RBFOX1: variants seen among roughly 807,000 people sequenced by gnomAD.
The protein encoded by RBFOX1 is RNA binding protein fox-1 homolog 1.
RBFOX1 carries 8 observed loss-of-function variants against 57.7 expected under a neutral mutation model. The ratio of observed to expected loss-of-function variants is 0.14; its 90% confidence interval spans 0.08 to 0.25. The LOEUF is 0.25. RBFOX1 is among the 10% of genes least tolerant of loss of function. RBFOX1 has a pLI of 1.00. For missense variants in RBFOX1, 611 were observed against 548.5 expected (o/e 1.11, Z -1.14); for synonymous variants, 326 against 222.4 (o/e 1.47, Z -4.15).
intron 1 of RBFOX1, among the ~76,000 whole-genome samples, chr16:6,299,185 C>G (rs900789742): frequency 1.3e-5 from 2 of 152,182 alleles, no homozygotes; most frequent in African/African-American, 4.8e-5. Context: ...AAAGAAAATG[C>G]AAGTGTCCGA....
At chr16:6,856,893 A>T (rs989717366) in intron 3 of RBFOX1, among the ~76,000 whole-genome samples, 2 of 152,114 alleles carry the variant, frequency 1.3e-5, no homozygotes, top group African/African-American at 2.4e-5. Context: ...AATGTTAGAG[A>T]CAGAGAAAGG....
In RBFOX1 at chr16:5,665,132, G is replaced by GGT. The variant is rs1555497002; in HGVS notation, c.318+66172_318+66173insTG. Among the ~76,000 whole-genome samples the GGT allele has an allele frequency of 1.9e-4, 15 of 78,278 alleles. 1 individual carries two copies. The highest frequency in any genetic ancestry group is 1.5e-3 in the Admixed American group (11 of 7,324). The allele number at this position is 78,278 out of a possible 152,430, so 51.4% of individuals were successfully genotyped here. A position where few individuals can be genotyped will look rare whatever the true frequency, so the allele number is the denominator to read the frequency against. On this transcript the variant is annotated intron_variant, in intron 3 of 19. Coordinates refer to the RBFOX1 transcript ENST00000641259. ...GGCTAACTTTTTGATATTTTTACAT[G>GGT]GGGGGGGGCGGTCTTGCTATATTGC...
chr16:6,084,126 A>C, intron 1 of RBFOX1, among the ~76,000 whole-genome samples: 1 of 152,138 alleles, frequency 6.6e-6, no homozygotes, highest in East Asian at 1.9e-4. Context: ...GGCCAATAAT[A>C]ATACCTCCCT....
Position 6,865,085 on chromosome 16 carries a change from C to A in RBFOX1, c.-15-186972C>A, listed in dbSNP as rs189833567. 4.1e-5 allele frequency among the ~76,000 whole-genome samples: 6 copies of A among 144,690 alleles called. No individual in the cohort carries two copies. In the East Asian group the frequency reaches 1.3e-3, roughly 31 times the overall value. The allele number at this position is 144,690 out of a possible 152,430, so 94.9% of individuals were successfully genotyped here. A position where few individuals can be genotyped will look rare whatever the true frequency, so the allele number is the denominator to read the frequency against. On this transcript the variant is annotated intron_variant, in intron 3 of 15. Coordinates refer to ENST00000550418, the MANE Select transcript of RBFOX1 (RefSeq NM_018723.4). ...TGGCGCGATCTTGGCTCACTGCAAC[C>A]TCCGCCTCCTGGGTTCAAGCAATTC...
At position 5,661,130 on chromosome 16, in the gene RBFOX1, C is replaced by G. The variant is rs76280634; in HGVS notation, c.318+62169C>G. 5.6e-3 allele frequency among the ~76,000 whole-genome samples: 848 copies of G among 152,290 alleles called. 6 individuals carry two copies. Among genetic ancestry groups the G allele is most frequent in the African/African-American group, 0.02 (815 of 41,534 alleles). ...AAAGGAAACTTAAAAGGCCTCCTGTCTTTCCTCACTATATATCTCTTTGTG... is the reference window on the plus strand; with the variant it reads ...AAAGGAAACTTAAAAGGCCTCCTGTGTTTCCTCACTATATATCTCTTTGTG... On this transcript the variant is annotated intron_variant, in intron 3 of 19. Transcript: ENST00000641259.
intron 4 of RBFOX1, among the ~76,000 whole-genome samples, chr16:7,120,840 C>CACACACACACACACTCAT (rs1555491067): frequency 4.8e-4 from 70 of 145,688 alleles, no homozygotes; most frequent in African/African-American, 1.8e-3. Flanking sequence ...TACACACACA[C>CACACACACACACACTCAT]ACACACACAC....
chr16:7,705,515 A>T (rs2082152596), intron 14 of RBFOX1, among the ~76,000 whole-genome samples: 2 of 152,138 alleles, frequency 1.3e-5, no homozygotes, highest in African/African-American at 4.8e-5. Context: ...AAAAATATTA[A>T]ATTTTTTAAA....
At chr16:5,797,831 G>A (rs1442172243) in intron 3 of RBFOX1, among the ~76,000 whole-genome samples, 1 of 152,186 alleles carries the variant, frequency 6.6e-6, no homozygotes, top group Non-Finnish European at 1.5e-5. Context: ...GGCTCATAAT[G>A]AAATATTGAC....
At chr16:7,519,384 G>T (rs2077049401) in intron 5 of RBFOX1, among the ~76,000 whole-genome samples, 1 of 152,110 alleles carries the variant, frequency 6.6e-6, no homozygotes, top group Non-Finnish European at 1.5e-5. Context: ...GAACTGTCCT[G>T]TATCTTAATG....
chr16:7,289,142 C>A (rs2095709627), intron 4 of RBFOX1, among the ~76,000 whole-genome samples: 1 of 152,146 alleles, frequency 6.6e-6, no homozygotes, highest in Non-Finnish European at 1.5e-5. Flanking sequence ...ATGTCTGTGG[C>A]TGAGTTACAA....
intron 3 of RBFOX1, among the ~76,000 whole-genome samples, chr16:6,749,729 C>G (rs1435589761): frequency 6.6e-6 from 1 of 152,182 alleles, no homozygotes; most frequent in African/African-American, 2.4e-5. Context: ...CAGATTCTTG[C>G]TTAAGAATAA....
chr16:5,297,007 C>G (rs775210583), intron 1 of RBFOX1, among the ~76,000 whole-genome samples: 14 of 152,024 alleles, frequency 9.2e-5, no homozygotes, highest in Non-Finnish European at 1.9e-4. Flanking sequence ...TATTTGAGAT[C>G]TTGTGGTTAT....
intron 7 of RBFOX1, among the ~76,000 whole-genome samples, chr16:7,588,595 C>A (rs7194715): frequency 0.48 from 73,227 of 151,988 alleles, 20,176 homozygotes; most frequent in Non-Finnish European, 0.61. Context: ...ACTATGAATG[C>A]AAATGTTGAG....
At chr16:5,493,619 G>C (rs993872994) in intron 2 of RBFOX1, among the ~76,000 whole-genome samples, 1 of 152,242 alleles carries the variant, frequency 6.6e-6, no homozygotes, top group Non-Finnish European at 1.5e-5. Context: ...TGTAATAAGA[G>C]CTGAGAGTGA....
intron 2 of RBFOX1, among the ~76,000 whole-genome samples, chr16:5,491,797 A>C (rs1224200949): frequency 6.6e-6 from 1 of 152,220 alleles, no homozygotes; most frequent in Non-Finnish European, 1.5e-5. Context: ...CTTTTAATTC[A>C]GTTGTTCTCA....
intron 5 of RBFOX1, among the ~76,000 whole-genome samples, chr16:7,571,238 C>G (rs1224128259): frequency 6.6e-6 from 1 of 152,182 alleles, no homozygotes; most frequent in Non-Finnish European, 1.5e-5. Context: ...CCCTGTGCTT[C>G]TGTACCCACT....
At chr16:6,396,761 C>T (rs1333407506) in intron 2 of RBFOX1, among the ~76,000 whole-genome samples, 1 of 151,942 alleles carries the variant, frequency 6.6e-6, no homozygotes, top group African/African-American at 2.4e-5. Context: ...AGAAACATTA[C>T]TCATAGTCAT....
chr16:5,700,547 T>C (rs1329819992), intron 3 of RBFOX1, among the ~76,000 whole-genome samples: 1 of 152,264 alleles, frequency 6.6e-6, no homozygotes, highest in African/African-American at 2.4e-5. Flanking sequence ...CTTTTGGTTA[T>C]GCAGTTTCAC....
intron 1 of RBFOX1, among the ~76,000 whole-genome samples, chr16:6,269,079 A>G (rs946097493): frequency 2.0e-5 from 3 of 152,198 alleles, no homozygotes; most frequent in Admixed American, 1.3e-4. Flanking sequence ...AATACCTAAC[A>G]TAATATAAAT....
Sources: gnomAD v4.1 joint callset for allele counts (sites outside exome capture counted in the v4.1 genomes callset) on GRCh38, gnomAD v4.1.1 for gene constraint, MANE v1.5 for transcripts, NCBI Gene and HGNC (gene_info 2026-07-23, HGNC 2026-07-21) for gene names.